Variants in ZNF112 observed in about 807,000 individuals in gnomAD.
ZNF112 encodes zinc finger protein 112, also known as zinc finger protein 112 (Y14).
ZNF112 carries 37 observed loss-of-function variants against 77.7 expected under a neutral mutation model. The ratio of observed to expected loss-of-function variants is 0.48; its 90% CI spans 0.37 to 0.63. The LOEUF (loss-of-function observed/expected upper bound fraction) is 0.63, where lower values mean the gene tolerates loss of function less well. ZNF112 is among the 20% of genes least tolerant of loss of function. The pLI, the probability that ZNF112 is intolerant of heterozygous loss-of-function variation, is 0.00. For missense variants in ZNF112, 950 were observed against 1,077.4 expected (o/e 0.88, Z 1.66); for synonymous variants, 333 against 363.6 (o/e 0.92, Z 0.96).
At chr19:44,360,813 G>C (rs1447082860), upstream of ZNF112, among the ~76,000 whole-genome samples, 1 of 152,140 alleles carries the variant, frequency 6.6e-6, no homozygotes, top group Non-Finnish European at 1.5e-5. Context: ...GTGGATTGTA[G>C]AGCCCGATTT....
exon 1 of ZNF112, chr19:44,367,096 A>G (rs899852100): frequency 6.6e-6 from 3 of 456,034 alleles, no homozygotes; most frequent in Non-Finnish European, 1.3e-5. Context: ...GCCCAACCCC[A>G]TCTTCCACTG....
chr19:44,337,644 G>A (rs957698416), intron 2 of ZNF112, among the ~76,000 whole-genome samples: 2 of 150,186 alleles, frequency 1.3e-5, no homozygotes, highest in East Asian at 2.0e-4. Context: ...TCCTTTCAAC[G>A]CATGAATGTT....
At chr19:44,336,925 T>C (rs1186800579) in intron 2 of ZNF112, among the ~76,000 whole-genome samples, 1 of 151,664 alleles carries the variant, frequency 6.6e-6, no homozygotes, top group Non-Finnish European at 1.5e-5. Context: ...TGTGCCAGCA[T>C]GCAGTGGCAT....
At chr19:44,335,694 G>T (rs28635188) in intron 3 of ZNF112, among the ~76,000 whole-genome samples, 2,372 of 152,268 alleles carry the variant, frequency 0.016, 68 homozygotes, top group African/African-American at 0.054. Flanking sequence ...TTACTACTTG[G>T]ACCTTTAGAG....
At chr19:44,341,202 A>G in intron 1 of ZNF112, 1 of 456,662 alleles carries the variant, frequency 2.2e-6, no homozygotes, top group Non-Finnish European at 4.4e-6. Flanking sequence ...TGTTAGCTAC[A>G]TTATTAATAT....
chr19:44,367,071 G>C (rs1365808836), intron 1 of ZNF112: 2 of 455,854 alleles, frequency 4.4e-6, no homozygotes, highest in Admixed American at 2.3e-5. Context: ...CTCGACAAAG[G>C]CTCACTCACC....
chr19:44,348,146 A>C (rs1397386505), intron 1 of ZNF112, among the ~76,000 whole-genome samples: 1 of 152,046 alleles, frequency 6.6e-6, no homozygotes, highest in Admixed American at 6.6e-5. Flanking sequence ...TAATTTTCAG[A>C]AGTTTGATTA....
chr19:44,363,179 C>G, intron 1 of ZNF112, among the ~76,000 whole-genome samples: 1 of 151,948 alleles, frequency 6.6e-6, no homozygotes, highest in East Asian at 1.9e-4. Flanking sequence ...CTATGTTGCC[C>G]AGGCTGGTCT....
At position 44,329,159 on chromosome 19, in the gene ZNF112, T is replaced by C; in HGVS notation, c.998A>G (p.Asn333Ser). Reference sequence around the variant, plus strand: ...GTTAAGAGGGGAACAGTGATTGAAGTTCTCACCATATTCACCACATTTGCA... The same window carrying C: ...GTTAAGAGGGGAACAGTGATTGAAGCTCTCACCATATTCACCACATTTGCA... Reference protein sequence around the residue: ...KPCKCGEYGENFNHCSPLNTY... With the variant: ...KPCKCGEYGESFNHCSPLNTY... The change falls in exon 4 of 4, where the codon AAC (asparagine) becomes AGC (serine). Residue 333 changes from asparagine to serine, a missense_variant. By Grantham distance (46) the Asn-to-Ser change is conservative. This residue lies in a region of ZNF112 where 560 missense variants were observed against 557.3 expected (regional missense o/e 1.00). Coordinates refer to ENST00000354340, the MANE Select transcript of ZNF112 (RefSeq NM_013380.4). The C allele has an allele frequency of 6.2e-7, 1 of 1,613,876 alleles. No homozygotes were observed. Among genetic ancestry groups the C allele is most frequent in the South Asian group, 1.1e-5 (1 of 91,078 alleles).
At chr19:44,355,910 C>T (rs1166918796) in intron 1 of ZNF112, among the ~76,000 whole-genome samples, 2 of 152,172 alleles carry the variant, frequency 1.3e-5, no homozygotes, top group Non-Finnish European at 2.9e-5. Context: ...GGTGAGACTC[C>T]GCTGCCAAGT....
chr19:44,348,944 G>A (rs1970644356), intron 1 of ZNF112, among the ~76,000 whole-genome samples: 2 of 151,906 alleles, frequency 1.3e-5, no homozygotes, highest in African/African-American at 4.8e-5. Context: ...AATATGGCTG[G>A]GCCAAATCCA....
chr19:44,329,829 A>G lies in ZNF112; in HGVS notation c.328T>C (p.Leu110=). The change falls in exon 4 of 4, where the codon TTA becomes CTA. Residue 110 remains leucine, a synonymous_variant. Coordinates refer to ENST00000354340, the MANE Select transcript of ZNF112 (RefSeq NM_013380.4). ...RQTWQQSAGG[L]IRCQDFLKVF... ...TTCAGGAAATCTTGACACCTGATTAACCCACCTGCACTTTGTTGCCAGGTC... is the reference window on the plus strand; with the variant it reads ...TTCAGGAAATCTTGACACCTGATTAGCCCACCTGCACTTTGTTGCCAGGTC... The G allele has an allele frequency of 6.2e-7, 1 of 1,613,958 alleles. No individual in the cohort carries two copies. The highest frequency in any genetic ancestry group is 8.5e-7 in the Non-Finnish European group (1 of 1,180,000).
At chr19:44,345,823 A>C (rs544869402) in intron 1 of ZNF112, among the ~76,000 whole-genome samples, 1 of 152,264 alleles carries the variant, frequency 6.6e-6, no homozygotes, top group South Asian at 2.1e-4. Flanking sequence ...AGGCCCTTGC[A>C]TGTGCCACCC....
At chr19:44,331,307 A>C (rs1009847323) in intron 3 of ZNF112, among the ~76,000 whole-genome samples, 5 of 152,210 alleles carry the variant, frequency 3.3e-5, no homozygotes, top group Non-Finnish European at 7.3e-5. Flanking sequence ...ATGAATACTG[A>C]CTTTTGCTTG....
upstream of ZNF112, chr19:44,356,782 C>A (rs1012596399): frequency 2.6e-5 from 4 of 152,178 alleles, no homozygotes; most frequent in African/African-American, 9.7e-5. Flanking sequence ...ACACGGGGCT[C>A]CCAAACTACA....
At chr19:44,356,848 ACCGGGTGCCAAGCTGAGAGCCT>A (rs1231637256), upstream of ZNF112, among the ~76,000 whole-genome samples, 2 of 152,188 alleles carry the variant, frequency 1.3e-5, no homozygotes, top group South Asian at 2.1e-4. Context: ...GGACGCAAGT[ACCGGGTGCCAAGCTGAGAGCCT>A]GGATGATATT....
At chr19:44,354,057 T>A (rs1970740068) in intron 1 of ZNF112, among the ~76,000 whole-genome samples, 1 of 152,192 alleles carries the variant, frequency 6.6e-6, no homozygotes, top group East Asian at 1.9e-4. Context: ...TATTGATACG[T>A]ATAACAACTT....
intron 1 of ZNF112, among the ~76,000 whole-genome samples, chr19:44,347,023 T>C (rs1347973395): frequency 2.6e-5 from 4 of 152,126 alleles, no homozygotes. Flanking sequence ...GATAAAAGAG[T>C]GTTGAGATTT....
In ZNF112 at chr19:44,327,573, T is replaced by C. The variant is rs1970150102; in HGVS notation, c.2584A>G (p.Lys862Glu). ...EKPYKCDACG[K>E]GFRWSSGLLI... ...AGACCTGAGCTCCAACGGAAACCCTTACCACATGCATCACATTTGTATGGT... is the reference window on the plus strand; with the variant it reads ...AGACCTGAGCTCCAACGGAAACCCTCACCACATGCATCACATTTGTATGGT... Residue 862 changes from lysine to glutamate, a missense_variant, in exon 4 of 4, where the codon AAG (lysine) becomes GAG (glutamate). Physicochemically the swap from Lys to Glu is moderately conservative, Grantham distance 56. Around this residue, in one of 3 missense-constraint regions of ZNF112, gnomAD observed 373 missense variants for 482.8 expected, o/e 0.77. Coordinates refer to ENST00000354340, the MANE Select transcript of ZNF112 (RefSeq NM_013380.4). 6.2e-7 allele frequency: 1 copy of C among 1,614,094 alleles called. No homozygotes were observed. The highest frequency in any genetic ancestry group is 2.2e-5 in the East Asian group (1 of 44,878).
Sources: allele counts gnomAD v4.1 joint callset (sites outside exome capture counted in the v4.1 genomes callset), GRCh38; gene constraint gnomAD v4.1.1; regional missense constraint gnomAD v4.1.1; transcripts MANE v1.5; gene names NCBI Gene and HGNC (gene_info 2026-07-23, HGNC 2026-07-21).